Variants in LRRC7 observed in about 807,000 individuals in gnomAD.
LRRC7 encodes the protein leucine-rich repeat-containing protein 7.
In LRRC7, 23 loss-of-function variants were observed where a neutral mutation model predicts 175.7. The observed-to-expected ratio is 0.13, with a 90% CI of 0.09 to 0.19. The LOEUF (loss-of-function observed/expected upper bound fraction) is 0.19, where lower values mean the gene tolerates loss of function less well. Ranked by LOEUF, LRRC7 falls within the 10% of genes least tolerant of loss-of-function variation. The pLI is 1.00. For missense variants in LRRC7, 1,354 were observed against 1,904.7 expected (o/e 0.71, Z 5.38); for synonymous variants, 685 against 680.9 (o/e 1.01, Z -0.09).
intron 4 of LRRC7, among the ~76,000 whole-genome samples, chr1:69,814,412 T>C (rs1320654063): frequency 6.6e-6 from 1 of 152,154 alleles, no homozygotes; most frequent in Non-Finnish European, 1.5e-5. Context: ...TTAATTAAAA[T>C]TCTTATTCAT....
At chr1:69,943,634 C>G (rs888334813) in intron 8 of LRRC7, among the ~76,000 whole-genome samples, 5 of 151,538 alleles carry the variant, frequency 3.3e-5, no homozygotes, top group African/African-American at 1.2e-4. Flanking sequence ...ATAAAACAAT[C>G]TTACTTTTGC....
At chr1:70,050,264 T>C (rs1487873006) in intron 22 of LRRC7, among the ~76,000 whole-genome samples, 1 of 152,060 alleles carries the variant, frequency 6.6e-6, no homozygotes, top group Non-Finnish European at 1.5e-5. Flanking sequence ...TTGTGATCAT[T>C]CATAGCAGTC....
chr1:69,644,776 A>T (rs1032211806), intron 1 of LRRC7, among the ~76,000 whole-genome samples: 2 of 151,818 alleles, frequency 1.3e-5, no homozygotes, highest in African/African-American at 4.8e-5. Flanking sequence ...CCAATATATA[A>T]AAAAAATGCA....
chr1:70,028,106 G>A lies in LRRC7; in HGVS notation c.1795-65G>A, dbSNP rs897825499. On this transcript the variant is annotated intron_variant, in intron 17 of 26. Coordinates refer to ENST00000651989, the MANE Select transcript of LRRC7 (RefSeq NM_001370785.2). ...GATTATACTACTGAATATAAAATGG[G>A]ATAGTTTTGTGAACATGCTTGCTGA... 1.9e-5 allele frequency: 25 copies of A among 1,340,684 alleles called. No homozygotes were observed. The Admixed American group carries it at 4.2e-4, about 23-fold the overall frequency. The allele number at this position is 1,340,684 out of a possible 1,614,324, so 83.0% of individuals were successfully genotyped here.
intron 1 of LRRC7, among the ~76,000 whole-genome samples, chr1:69,573,656 T>C (rs996921820): frequency 3.3e-5 from 5 of 152,158 alleles, no homozygotes; most frequent in Non-Finnish European, 5.9e-5. Context: ...TAAATTATTA[T>C]TCATAATAGA....
Position 70,039,502 on chromosome 1 carries a change from T to C in LRRC7, c.3678T>C (p.Ser1226=), listed in dbSNP as rs746132288. 1.2e-4 allele frequency: 198 copies of C among 1,613,918 alleles called. No homozygotes were observed. The highest frequency in any genetic ancestry group is 1.6e-4 in the Non-Finnish European group (192 of 1,180,002). Residue 1226 remains serine, a synonymous_variant, in exon 21 of 27, where the codon AGT becomes AGC. Transcript: ENST00000651989. ...AAGAAGTGAAAGCTCAGGCGGGAAG[T>C]TTTCCGGTTAAAAACCTTACCCAAA... ...SYQEVKAQAG[S]FPVKNLTQRR...
intron 24 of LRRC7, among the ~76,000 whole-genome samples, chr1:70,082,694 G>A (rs983287594): frequency 2.8e-5 from 4 of 142,460 alleles, no homozygotes; most frequent in African/African-American, 1.0e-4. Flanking sequence ...CTGTTTCCTA[G>A]ATACATACAG....
chr1:69,939,047 CTA>C (rs1363009483), intron 8 of LRRC7, among the ~76,000 whole-genome samples: 13 of 55,992 alleles, frequency 2.3e-4, no homozygotes, highest in African/African-American at 4.4e-4. Context: ...ATATCTATAT[CTA>C]TCTCACAGAC....
chr1:69,874,376 A>T (rs1052052801), intron 7 of LRRC7: 2 of 152,136 alleles, frequency 1.3e-5, no homozygotes, highest in Admixed American at 6.6e-5. Flanking sequence ...GAAAAGCTTG[A>T]AATTCAACAT....
intron 13 of LRRC7, among the ~76,000 whole-genome samples, chr1:70,014,480 A>T (rs1656802092): frequency 6.6e-6 from 1 of 152,014 alleles, no homozygotes; most frequent in South Asian, 2.1e-4. Context: ...ATTCATCAGG[A>T]CAGAAATATA....
intron 3 of LRRC7, among the ~76,000 whole-genome samples, chr1:69,764,483 A>T (rs1248520875): frequency 6.6e-6 from 1 of 152,042 alleles, no homozygotes; most frequent in African/African-American, 2.4e-5. Flanking sequence ...AGATGAGACT[A>T]AATTTTAAGC....
intron 2 of LRRC7, among the ~76,000 whole-genome samples, chr1:69,712,478 C>T (rs1340011618): frequency 6.6e-6 from 1 of 152,020 alleles, no homozygotes; most frequent in Non-Finnish European, 1.5e-5. Flanking sequence ...GTGGTGGGCG[C>T]CTGTAATCCA....
chr1:70,023,454 A>G (rs941319825), intron 17 of LRRC7, 80 bp downstream of exon 17: 4 of 1,336,888 alleles, frequency 3.0e-6, no homozygotes, highest in Non-Finnish European at 3.9e-6. Flanking sequence ...TATGTTCTGC[A>G]TGATTTGGGG....
In LRRC7 at chr1:70,028,329, T is replaced by C. The variant is rs1196968886; in HGVS notation, c.1953T>C (p.Tyr651=). The C allele has an allele frequency of 1.9e-6, 3 of 1,613,642 alleles. No individual in the cohort carries two copies. The highest frequency in any genetic ancestry group is 2.5e-6 in the Non-Finnish European group (3 of 1,179,746). The change falls in exon 18 of 27, where the codon TAT becomes TAC. Residue 651 remains tyrosine, a synonymous_variant. Transcript: ENST00000651989. The part of the protein sequence containing the change: ...ANTEQTVKEK[Y]EHKWPVAPKE... ...CGGAGCAAACTGTGAAAGAAAAATA[T>C]GAACACAAGTGGCCGGTAGCCCCAA...
At chr1:69,729,151 A>G (rs900042219) in intron 2 of LRRC7, among the ~76,000 whole-genome samples, 8 of 152,178 alleles carry the variant, frequency 5.3e-5, no homozygotes, top group Non-Finnish European at 1.0e-4. Flanking sequence ...GGTCCCTTCC[A>G]AAACATGTGG....
intron 2 of LRRC7, among the ~76,000 whole-genome samples, chr1:69,747,421 G>A (rs989712340): frequency 2.0e-5 from 3 of 152,140 alleles, no homozygotes. Flanking sequence ...TGTATGTCCA[G>A]CTCAGCAGTA....
intron 15 of LRRC7, 21 bp from the exon 16 acceptor site, chr1:70,020,979 AATAAT>A (rs1304691500): frequency 6.3e-7 from 1 of 1,583,774 alleles, no homozygotes; most frequent in Admixed American, 1.9e-5. Context: ...TTAAAAAAAC[AATAAT>A]ACTTTGGAAT....
At chr1:69,698,280 T>C (rs1485723238) in intron 2 of LRRC7, among the ~76,000 whole-genome samples, 2 of 152,178 alleles carry the variant, frequency 1.3e-5, no homozygotes, top group Admixed American at 6.6e-5. Flanking sequence ...AAGACTTGCA[T>C]ATATTCAAGG....
intron 1 of LRRC7, among the ~76,000 whole-genome samples, chr1:69,594,770 G>A (rs114666472): frequency 0.011 from 1,668 of 152,142 alleles, 33 homozygotes; most frequent in African/African-American, 0.038. Flanking sequence ...CATAGTCTCT[G>A]GTGCTAATGG....
Sources: gnomAD v4.1 joint callset for allele counts (sites outside exome capture counted in the v4.1 genomes callset) on GRCh38, gnomAD v4.1.1 for gene constraint, MANE v1.5 for transcripts, NCBI Gene and HGNC (gene_info 2026-07-23, HGNC 2026-07-21) for gene names.